BCKDHB: variants seen among roughly 807,000 people sequenced by gnomAD.
The protein encoded by BCKDHB is branched chain keto acid dehydrogenase E1 subunit beta, also known as 2-oxoisovalerate dehydrogenase subunit beta, mitochondrial.
In BCKDHB, 41 loss-of-function variants were observed where a neutral mutation model predicts 48.5. The observed-to-expected ratio is 0.85, with a 90% CI of 0.66 to 1.10. The LOEUF is 1.10. Ranked by LOEUF, BCKDHB falls within the 50% of genes least tolerant of loss-of-function variation. BCKDHB has a pLI of 0.00. For synonymous variants in BCKDHB, 201 were observed against 174.8 expected, an observed-to-expected ratio of 1.15 and a Z score of -1.18; for missense variants, 496 against 494.2, an observed-to-expected ratio of 1.00 and a Z score of -0.03.
At chr6:80,222,045 T>C (rs1285060356) in intron 8 of BCKDHB, among the ~76,000 whole-genome samples, 1 of 152,210 alleles carries the variant, frequency 6.6e-6, no homozygotes, top group Admixed American at 6.5e-5. Flanking sequence ...ATTGGGCTTC[T>C]AGTGTATGTA....
chr6:80,269,821 A>G (rs1236115313), intron 8 of BCKDHB, among the ~76,000 whole-genome samples: 1 of 152,154 alleles, frequency 6.6e-6, no homozygotes, highest in African/African-American at 2.4e-5. Flanking sequence ...TATCTTAAAA[A>G]GGTAAATGGC....
At chr6:80,156,555 G>C (rs542265954) in intron 3 of BCKDHB, among the ~76,000 whole-genome samples, 2 of 152,204 alleles carry the variant, frequency 1.3e-5, no homozygotes, top group South Asian at 4.2e-4. Context: ...AATTGAATAA[G>C]GCACACATAT....
chr6:80,228,907 T>G (rs1775795631), intron 8 of BCKDHB, among the ~76,000 whole-genome samples: 1 of 152,132 alleles, frequency 6.6e-6, no homozygotes, highest in African/African-American at 2.4e-5. Flanking sequence ...ACTTCCAACC[T>G]TCCAGGGAGA....
Position 80,343,715 on chromosome 6 carries a change from G to A in BCKDHB, c.1090G>A (p.Asp364Asn), listed in dbSNP as rs1060499715. Residue 364 changes from aspartate to asparagine, a missense_variant, in exon 10 of 10, where the codon GAC becomes AAC. Transcript: ENST00000320393. ...TCCTATATCAAGAGTATGTGGTTAT[G>A]ACACACCATTTCCTCACATTTTTGA... ...EAPISRVCGY[D>N]TPFPHIFEPF... The A allele has an allele frequency of 1.9e-6, 3 of 1,613,954 alleles. No homozygotes were observed. The highest frequency in any genetic ancestry group is 2.5e-6 in the Non-Finnish European group (3 of 1,179,900).
At chr6:80,220,194 C>T (rs1157467145) in intron 8 of BCKDHB, among the ~76,000 whole-genome samples, 1 of 151,038 alleles carries the variant, frequency 6.6e-6, no homozygotes, top group African/African-American at 2.4e-5. Context: ...TGTGTTTTTA[C>T]AGTGTTTTGC....
the BCKDHB span, among the ~76,000 whole-genome samples, chr6:80,437,787 A>G: frequency 7.9e-5 from 12 of 152,144 alleles, no homozygotes; most frequent in Admixed American, 2.6e-4. Flanking sequence ...AACACTCTAA[A>G]TATTTTGTGG....
chr6:80,256,955 C>G (rs1046176872), intron 8 of BCKDHB, among the ~76,000 whole-genome samples: 2 of 152,138 alleles, frequency 1.3e-5, no homozygotes, highest in Non-Finnish European at 2.9e-5. Context: ...TGGTTGTACT[C>G]TAAAATCTAG....
In BCKDHB at chr6:80,134,124, T is replaced by G. The variant is rs190194344; in HGVS notation, c.343+4895T>G. ...GTATGTTTGTAACATTATTCTATAC[T>G]GATATAACTTGCCTGGTTGTGGTTC... On this transcript the variant is annotated intron_variant, in intron 3 of 9. Coordinates refer to ENST00000320393, the MANE Select transcript of BCKDHB (RefSeq NM_183050.4). Among the ~76,000 whole-genome samples the G allele has an allele frequency of 6.3e-4, 96 of 152,274 alleles. 1 individual carries two copies. Among genetic ancestry groups the G allele is most frequent in the Middle Eastern group, 6.8e-3 (2 of 294 alleles).
At chr6:80,327,565 T>G (rs1769095453) in intron 9 of BCKDHB, among the ~76,000 whole-genome samples, 2 of 152,216 alleles carry the variant, frequency 1.3e-5, no homozygotes, top group Non-Finnish European at 2.9e-5. Flanking sequence ...AAACTTGCAG[T>G]CTTTTGCATT....
At chr6:80,392,746 A>G in the BCKDHB span, among the ~76,000 whole-genome samples, 1 of 151,598 alleles carries the variant, frequency 6.6e-6, no homozygotes. Context: ...AAATTAAATT[A>G]TATTTAATAG....
chr6:80,315,415 C>A (rs917003227), intron 9 of BCKDHB, among the ~76,000 whole-genome samples: 6 of 152,152 alleles, frequency 3.9e-5, no homozygotes, highest in African/African-American at 1.4e-4. Flanking sequence ...CCAGTTGGGC[C>A]ATCACCTCAC....
chr6:80,106,730 A>G lies in BCKDHB; in HGVS notation c.37A>G (p.Arg13Gly). Reference sequence around the variant, plus strand: ...AGCGGCGGCTGCCGGCTGGCTACTCAGGCTCAGGGCGGCAGGGGCTGAGGG... The same window carrying G: ...AGCGGCGGCTGCCGGCTGGCTACTCGGGCTCAGGGCGGCAGGGGCTGAGGG... ...VVAAAAGWLL[R>G]LRAAGAEGHW... The change falls in exon 1 of 10, where the codon AGG becomes GGG. Residue 13 changes from arginine (R) to glycine (G), a missense_variant. Physicochemically the swap from Arg to Gly is moderately radical, Grantham distance 125. Transcript: ENST00000320393. The G allele has an allele frequency of 1.9e-6, 3 of 1,558,256 alleles. No individual in the cohort carries two copies. The highest frequency in any genetic ancestry group is 1.7e-6 in the Non-Finnish European group (2 of 1,152,186).
chr6:80,247,456 T>G (rs1163387398), intron 8 of BCKDHB, among the ~76,000 whole-genome samples: 1 of 152,226 alleles, frequency 6.6e-6, no homozygotes, highest in African/African-American at 2.4e-5. Flanking sequence ...CCACACATAT[T>G]TATAACCGGA....
chr6:80,401,228 A>T, the BCKDHB span, among the ~76,000 whole-genome samples: 4 of 151,918 alleles, frequency 2.6e-5, no homozygotes, highest in South Asian at 2.1e-4. Context: ...AAGATTTTTT[A>T]AAATTAAAAA....
At chr6:80,436,147 CTT>C in the BCKDHB span, among the ~76,000 whole-genome samples, 1 of 70,340 alleles carries the variant, frequency 1.4e-5, no homozygotes, top group Non-Finnish European at 2.7e-5. Context: ...AAATTCTTTT[CTT>C]TTTTTTTTTT....
intron 9 of BCKDHB, among the ~76,000 whole-genome samples, chr6:80,289,511 G>A (rs1428221149): frequency 1.3e-5 from 2 of 152,216 alleles, no homozygotes; most frequent in East Asian, 3.9e-4. Context: ...TCTTCGGAGA[G>A]AAAATGCTCA....
the BCKDHB span, among the ~76,000 whole-genome samples, chr6:80,410,820 G>A: frequency 6.6e-6 from 1 of 152,134 alleles, no homozygotes; most frequent in African/African-American, 2.4e-5. Flanking sequence ...TCTCTACACT[G>A]TTTATTCTAG....
chr6:80,369,957 T>C, the BCKDHB span, among the ~76,000 whole-genome samples: 3 of 152,222 alleles, frequency 2.0e-5, no homozygotes, highest in Non-Finnish European at 4.4e-5. Context: ...CCTCTAATTT[T>C]GAGTTTCTCT....
intron 8 of BCKDHB, among the ~76,000 whole-genome samples, chr6:80,220,506 C>T (rs1303266955): frequency 1.5e-5 from 2 of 130,420 alleles, no homozygotes; most frequent in Admixed American, 1.8e-4. Flanking sequence ...TCTCTTTCTT[C>T]TCTAGGCTTT....
Sources: allele counts gnomAD v4.1 joint callset (sites outside exome capture counted in the v4.1 genomes callset), GRCh38; gene constraint gnomAD v4.1.1; transcripts MANE v1.5; gene names NCBI Gene and HGNC (gene_info 2026-07-23, HGNC 2026-07-21).